The following GYS2 variants were observed in gnomAD, a reference collection of about 807,000 sequenced individuals.
GYS2 encodes glycogen synthase 2, also known as glycogen [starch] synthase, liver.
A neutral mutation model predicts 85.6 loss-of-function variants in GYS2; 80 were observed. That is an observed-to-expected ratio of 0.93 (90% CI 0.78 to 1.13). GYS2 has a LOEUF of 1.13. GYS2 is among the 50% of genes most tolerant of loss of function. The pLI, the probability that GYS2 is intolerant of heterozygous loss-of-function variation, is 0.00. For synonymous variants in GYS2, 328 were observed against 300.7 expected, an observed-to-expected ratio of 1.09 and a Z score of -0.94; for missense variants, 881 against 854.9, an observed-to-expected ratio of 1.03 and a Z score of -0.38.
At chr12:21,552,277 C>T (rs1276167941) in intron 11 of GYS2, among the ~76,000 whole-genome samples, 1 of 152,186 alleles carries the variant, frequency 6.6e-6, no homozygotes, top group East Asian at 1.9e-4. Context: ...CGTGGCAGCC[C>T]AGAGCTGAGA....
chr12:21,586,419 ATATCTATCTATCTATCTATCTATC>A (rs60692055), intron 1 of GYS2, among the ~76,000 whole-genome samples: 1 of 147,768 alleles, frequency 6.8e-6, no homozygotes, highest in African/African-American at 2.5e-5. Context: ...ATCTAAATCT[ATATCTATCTATCTATCTATCTATC>A]TATCTATCTA....
chr12:21,538,754 G>A (rs889873349), intron 15 of GYS2, among the ~76,000 whole-genome samples: 16 of 152,182 alleles, frequency 1.1e-4, no homozygotes, highest in Non-Finnish European at 1.9e-4. Flanking sequence ...TGAATCTGAT[G>A]ACAAATGTGG....
Position 21,542,550 on chromosome 12 carries a change from G to T in GYS2, c.1591C>A (p.Leu531Ile), listed in dbSNP as rs151300918. 10 of 1,613,674 alleles carry T rather than the reference G, an allele frequency of 6.2e-6. No individual in the cohort carries two copies. Among genetic ancestry groups the T allele is most frequent in the Non-Finnish European group, 7.6e-6 (9 of 1,179,722 alleles). Residue 531 changes from leucine (L) to isoleucine (I), a missense_variant, in exon 13 of 16, where the codon CTC (leucine) becomes ATC (isoleucine). Leu to Ile is a conservative substitution (Grantham distance 5). Transcript: ENST00000261195. Reference sequence around the variant, plus strand: ...TGCATGAAACAGCCAAACCCGGAGAGATTCGTGGTCACACTGGGGATACCC... The same window carrying T: ...TGCATGAAACAGCCAAACCCGGAGATATTCGTGGTCACACTGGGGATACCC... Reference protein sequence around the residue: ...VMGIPSVTTNLSGFGCFMQEH... With the variant: ...VMGIPSVTTNISGFGCFMQEH...
intron 5 of GYS2, among the ~76,000 whole-genome samples, chr12:21,564,380 G>A (rs1944292696): frequency 6.6e-6 from 1 of 152,002 alleles, no homozygotes; most frequent in Non-Finnish European, 1.5e-5. Context: ...GCAGTGAGCT[G>A]AAATCACGCC....
intron 1 of GYS2, among the ~76,000 whole-genome samples, chr12:21,582,058 G>A (rs536104675): frequency 4.1e-4 from 62 of 150,690 alleles, no homozygotes; most frequent in Non-Finnish European, 6.9e-4. Flanking sequence ...CAGAGTAAAC[G>A]GATAACCTAC....
chr12:21,534,405 T>C (rs1371622323), downstream of GYS2, among the ~76,000 whole-genome samples: 1 of 152,066 alleles, frequency 6.6e-6, no homozygotes, highest in Non-Finnish European at 1.5e-5. Context: ...TGGTCTGAGA[T>C]ACTTGGGAGG....
At chr12:21,585,360 G>C (rs373216357) in intron 1 of GYS2, among the ~76,000 whole-genome samples, 10 of 152,206 alleles carry the variant, frequency 6.6e-5, no homozygotes, top group East Asian at 5.8e-4. Context: ...TACAGTGTTG[G>C]CTGCGGTGAT....
chr12:21,556,793 C>A lies in GYS2; in HGVS notation c.1422+1407G>T, dbSNP rs566283421. 2.6e-5 allele frequency among the ~76,000 whole-genome samples: 4 copies of A among 152,316 alleles called. No homozygotes were observed. The East Asian group carries it at 7.7e-4, about 29-fold the overall frequency. On this transcript the variant is annotated intron_variant, in intron 11 of 15. Transcript: ENST00000261195. ...TCTTACTCCCAGTATCCATCAGTCA[C>A]TAAGGATGACCTTTTCTACATGCAA...
At chr12:21,560,157 G>T (rs1944235047) in intron 8 of GYS2, among the ~76,000 whole-genome samples, 1 of 152,088 alleles carries the variant, frequency 6.6e-6, no homozygotes, top group Admixed American at 6.6e-5. Flanking sequence ...TTTCTACAGG[G>T]CCTTGTTCCT....
At chr12:21,536,000 T>TCTAA (rs3061535), downstream of GYS2, among the ~76,000 whole-genome samples, 111,305 of 151,648 alleles carry the variant, frequency 0.73, 41,095 homozygotes, top group East Asian at 0.79. Context: ...TTCTATTTTT[T>TCTAA]CTATTTTTTA....
chr12:21,595,857 A>G (rs886361282), intron 1 of GYS2, among the ~76,000 whole-genome samples: 5 of 152,218 alleles, frequency 3.3e-5, no homozygotes, highest in African/African-American at 9.6e-5. Context: ...GGGGACTTCA[A>G]TACTTCATTG....
At chr12:21,567,971 G>C (rs577802723) in intron 5 of GYS2, among the ~76,000 whole-genome samples, 1 of 151,970 alleles carries the variant, frequency 6.6e-6, no homozygotes, top group African/African-American at 2.4e-5. Context: ...TACTCGAGAG[G>C]CTGAGGCAGA....
Position 21,559,177 on chromosome 12 carries a change from G to GA in GYS2, c.1230-9dup, listed in dbSNP as rs752714629. On this transcript the variant is annotated splice_polypyrimidine_tract_variant and intron_variant, in intron 9 of 15. Transcript: ENST00000261195. Reference sequence around the variant, plus strand: ...AGGTCAGGAATTTCTCCTCTGCAGGGAAAAAATGTTAATAACAAAAATAAA... The same window carrying GA: ...AGGTCAGGAATTTCTCCTCTGCAGGGAAAAAAATGTTAATAACAAAAATAAA... 128 of 1,562,766 alleles carry GA rather than the reference G, an allele frequency of 8.2e-5. No individual in the cohort carries two copies. Among genetic ancestry groups the GA allele is most frequent in the African/African-American group, 7.9e-4 (58 of 73,702 alleles).
At chr12:21,597,720 T>C (rs1173135796) in intron 1 of GYS2, among the ~76,000 whole-genome samples, 1 of 152,026 alleles carries the variant, frequency 6.6e-6, no homozygotes, top group Non-Finnish European at 1.5e-5. Context: ...AGGAAAAGAA[T>C]TCAGAATAAT....
intron 15 of GYS2, among the ~76,000 whole-genome samples, chr12:21,538,778 T>C (rs1282698950): frequency 1.3e-5 from 2 of 152,192 alleles, no homozygotes; most frequent in Non-Finnish European, 2.9e-5. Flanking sequence ...ATAGCAGTCT[T>C]ATGAACATAA....
rs774080324 is a variant in GYS2 at position 21,536,709 on chromosome 12, T to C, written c.*245A>G. On this transcript the variant is annotated 3_prime_UTR_variant, in exon 16 of 16. Transcript: ENST00000261195. ...ATTTTAAAAACACTTTTCCGTCTTC[T>C]GCCTTTAATGAGTGCTCCTCCTCAT... 5 of 535,618 alleles carry C rather than the reference T, an allele frequency of 9.3e-6. No individual in the cohort carries two copies. Among genetic ancestry groups the C allele is most frequent in the Admixed American group, 3.2e-5 (1 of 31,232 alleles). 33.2% of individuals were successfully genotyped at this position (535,618 alleles called of 1,614,324 possible).
chr12:21,532,865 G>C (rs759590352), downstream of GYS2: 3 of 152,156 alleles, frequency 2.0e-5, no homozygotes, highest in Non-Finnish European at 2.9e-5. Flanking sequence ...TTAAAATATA[G>C]CTCCAAGTAT....
At chr12:21,564,734 C>A (rs1205230677) in intron 5 of GYS2, among the ~76,000 whole-genome samples, 2 of 152,058 alleles carry the variant, frequency 1.3e-5, no homozygotes, top group African/African-American at 2.4e-5. Context: ...CTTTCTACAG[C>A]AATTATGTAG....
intron 15 of GYS2, among the ~76,000 whole-genome samples, chr12:21,539,011 G>T (rs1943941583): frequency 6.6e-6 from 1 of 151,948 alleles, no homozygotes; most frequent in African/African-American, 2.4e-5. Context: ...ATGTCCATCA[G>T]AACCATTTCA....
Sources: allele counts gnomAD v4.1 joint callset (sites outside exome capture counted in the v4.1 genomes callset), GRCh38; gene constraint gnomAD v4.1.1; transcripts MANE v1.5; gene names NCBI Gene and HGNC (gene_info 2026-07-23, HGNC 2026-07-21).